The following RPRD1B variants were observed in gnomAD, a reference collection of about 807,000 sequenced individuals.
RPRD1B encodes regulation of nuclear pre-mRNA domain-containing protein 1B.
RPRD1B carries 11 observed loss-of-function variants against 41.5 expected under a neutral mutation model. That is an observed-to-expected ratio of 0.27 (90% CI 0.17 to 0.44). The LOEUF (loss-of-function observed/expected upper bound fraction) is 0.44, where lower values mean the gene tolerates loss of function less well. RPRD1B is among the 20% of genes least tolerant of loss of function. The probability of loss-of-function intolerance (pLI) is 1.00; values close to 1 mark genes in which losing one functional copy is unlikely to be tolerated. For missense variants in RPRD1B, 248 were observed against 389.9 expected (o/e 0.64, Z 3.06); for synonymous variants, 158 against 155.6 (o/e 1.02, Z -0.12).
intron 6 of RPRD1B, chr20:38,070,129 C>T: frequency 1.1e-6 from 1 of 898,386 alleles, no homozygotes; most frequent in African/African-American, 1.8e-5. Flanking sequence ...AGGTTTTCTC[C>T]TTTGTACTAC....
intron 6 of RPRD1B, 84 bp from the exon 7 acceptor site, chr20:38,089,642 C>A: frequency 8.8e-7 from 1 of 1,130,622 alleles, no homozygotes; most frequent in Non-Finnish European, 1.3e-6. Context: ...AACACGAGGA[C>A]GAGAGTAGCT....
chr20:38,082,253 G>T (rs2074519502), intron 6 of RPRD1B, among the ~76,000 whole-genome samples: 1 of 152,114 alleles, frequency 6.6e-6, no homozygotes, highest in African/African-American at 2.4e-5. Flanking sequence ...TAATAGGTCT[G>T]TCCAGGGTTT....
chr20:38,048,203 A>G (rs527953532), intron 2 of RPRD1B, 145 bp from the exon 3 acceptor site: 185 of 746,522 alleles, frequency 2.5e-4, no homozygotes, highest in Non-Finnish European at 2.8e-4. Flanking sequence ...TTGGGTATCC[A>G]GGTATTACAA....
chr20:38,072,741 A>G (rs979577814), intron 6 of RPRD1B, among the ~76,000 whole-genome samples: 3 of 151,290 alleles, frequency 2.0e-5, no homozygotes, highest in Non-Finnish European at 4.5e-5. Context: ...ATTTGATATT[A>G]TAAAGGCCCT....
At chr20:38,034,221 T>C (rs752370282) in intron 1 of RPRD1B, 123 bp downstream of exon 1, 17 of 1,122,658 alleles carry the variant, frequency 1.5e-5, no homozygotes, top group Non-Finnish European at 1.9e-5. Context: ...GCTTCTGAGA[T>C]GGGAGACAAA....
At chr20:38,041,199 C>G (rs549250989) in intron 2 of RPRD1B, among the ~76,000 whole-genome samples, 1 of 152,138 alleles carries the variant, frequency 6.6e-6, no homozygotes, top group African/African-American at 2.4e-5. Flanking sequence ...CAAAAGCTTT[C>G]TGTGGGCTTA....
At chr20:38,074,414 T>C (rs996147673) in intron 6 of RPRD1B, among the ~76,000 whole-genome samples, 8 of 152,236 alleles carry the variant, frequency 5.3e-5, no homozygotes, top group Admixed American at 5.2e-4. Context: ...CACATTATAA[T>C]GTACTTCACA....
intron 6 of RPRD1B, among the ~76,000 whole-genome samples, chr20:38,076,373 C>T (rs2074459645): frequency 6.6e-6 from 1 of 152,174 alleles, no homozygotes; most frequent in South Asian, 2.1e-4. Flanking sequence ...TGTTAGCTTC[C>T]ACCTTCCCTC....
At chr20:38,085,029 C>T (rs911210226) in intron 6 of RPRD1B, among the ~76,000 whole-genome samples, 22 of 152,250 alleles carry the variant, frequency 1.4e-4, no homozygotes, top group African/African-American at 5.1e-4. Context: ...AGGTACTTGC[C>T]GCTGAATGGA....
At chr20:38,048,583 A>G in intron 3 of RPRD1B, 102 bp downstream of exon 3, 1 of 1,490,234 alleles carries the variant, frequency 6.7e-7, no homozygotes, top group Non-Finnish European at 9.0e-7. Flanking sequence ...CAGCGATTTT[A>G]TGATTCTTCA....
intron 3 of RPRD1B, among the ~76,000 whole-genome samples, chr20:38,051,131 T>A (rs990594552): frequency 6.6e-6 from 1 of 152,224 alleles, no homozygotes; most frequent in African/African-American, 2.4e-5. Context: ...GAATTCTGTT[T>A]TAGAACTGGG....
chr20:38,086,419 C>G (rs758636362), intron 6 of RPRD1B, among the ~76,000 whole-genome samples: 1 of 152,206 alleles, frequency 6.6e-6, no homozygotes, highest in African/African-American at 2.4e-5. Flanking sequence ...TTTGGTTTTT[C>G]AGAGTATATA....
rs759342846 is a variant in RPRD1B at position 38,066,124 on chromosome 20, A to G, written c.699A>G (p.Ala233=). The G allele has an allele frequency of 1.6e-5, 26 of 1,614,118 alleles. No homozygotes were observed. The highest frequency in any genetic ancestry group is 1.6e-4 in the Middle Eastern group (1 of 6,084). ...AERLSKTVDE[A]CLLLAEYNGR... ...GTCTTTCAAAAACAGTAGATGAAGC[A>G]TGTCTGTTACTAGCAGAATATAACG... is the stretch of plus-strand genomic sequence containing the variant. The change falls in exon 6 of 7, where the codon GCA becomes GCG. Residue 233 remains alanine (A), a synonymous_variant. Coordinates refer to ENST00000373433, the MANE Select transcript of RPRD1B (RefSeq NM_021215.4).
chr20:38,090,168 A>T lies in RPRD1B; in HGVS notation c.*293A>T, dbSNP rs1420185274. On this transcript the variant is annotated 3_prime_UTR_variant, in exon 7 of 7. Transcript: ENST00000373433. Reference sequence around the variant, plus strand: ...GTTTTCCATTCTTAACTGTCTCCTTATACCTAAGAAGTTATGAAAATCATG... The same window carrying T: ...GTTTTCCATTCTTAACTGTCTCCTTTTACCTAAGAAGTTATGAAAATCATG... The T allele has an allele frequency of 2.8e-6, 3 of 1,089,684 alleles. No individual in the cohort carries two copies. The highest frequency in any genetic ancestry group is 3.3e-6 in the Non-Finnish European group (3 of 895,964). 67.5% of individuals were successfully genotyped at this position (1,089,684 alleles called of 1,614,324 possible). A position where few individuals can be genotyped will look rare whatever the true frequency, so the allele number is the denominator to read the frequency against.
intron 6 of RPRD1B, among the ~76,000 whole-genome samples, chr20:38,066,687 G>A (rs1256972540): frequency 2.0e-5 from 3 of 151,840 alleles, no homozygotes; most frequent in Non-Finnish European, 4.4e-5. Context: ...ACGCAGTCTC[G>A]CTCCGTCGCC....
intron 6 of RPRD1B, among the ~76,000 whole-genome samples, chr20:38,082,750 T>C (rs1190576534): frequency 6.6e-6 from 1 of 152,204 alleles, no homozygotes; most frequent in Admixed American, 6.5e-5. Flanking sequence ...TATGATATAC[T>C]CCCAGTCATT....
chr20:38,069,399 A>G (rs2074389979), intron 6 of RPRD1B, among the ~76,000 whole-genome samples: 1 of 152,244 alleles, frequency 6.6e-6, no homozygotes, highest in Non-Finnish European at 1.5e-5. Flanking sequence ...AGGTAAGTCC[A>G]AACTTCCTGT....
rs141644656 is a variant in RPRD1B, at chr20:38,038,788, G to A, written c.152-1647G>A. 7.1e-3 allele frequency among the ~76,000 whole-genome samples: 1,082 copies of A among 152,176 alleles called. 5 individuals carry two copies. Among genetic ancestry groups the A allele is most frequent in the African/African-American group, 0.021 (865 of 41,512 alleles). On this transcript the variant is annotated intron_variant, in intron 1 of 6. Coordinates refer to ENST00000373433, the MANE Select transcript of RPRD1B (RefSeq NM_021215.4). ...GCTGGGATTACAGGCGTGAGCCACT[G>A]TGCCCAGCCTCCTGTAGCTACATTT...
rs2273354 is a variant in RPRD1B at position 38,048,600 on chromosome 20, C to T, written c.415+119C>T. ...GCGATTTTATGATTCTTCAGAGAGA[C>T]AGATGATCATGAATGATGGTGAGAA... On this transcript the variant is annotated intron_variant, in intron 3 of 6. Transcript: ENST00000373433. 3.4e-6 allele frequency: 5 copies of T among 1,464,322 alleles called. No homozygotes were observed. The African/African-American group carries it at 5.6e-5, about 17-fold the overall frequency. The allele number at this position is 1,464,322 out of a possible 1,614,324, so 90.7% of individuals were successfully genotyped here. A position where few individuals can be genotyped will look rare whatever the true frequency, so the allele number is the denominator to read the frequency against.
Sources: allele counts gnomAD v4.1 joint callset (sites outside exome capture counted in the v4.1 genomes callset), GRCh38; gene constraint gnomAD v4.1.1; transcripts MANE v1.5; gene names NCBI Gene and HGNC (gene_info 2026-07-23, HGNC 2026-07-21).